Variants in EXT1 observed in about 807,000 individuals in gnomAD.
EXT1 encodes exostosin-1.
In EXT1, 20 loss-of-function variants were observed where a neutral mutation model predicts 82.5. The ratio of observed to expected loss-of-function variants is 0.24; its 90% CI spans 0.17 to 0.35. EXT1 has a LOEUF of 0.35. Ranked by LOEUF, EXT1 falls within the 10% of genes least tolerant of loss-of-function variation. EXT1 has a pLI of 1.00. For synonymous variants in EXT1, 348 were observed against 350.8 expected, an observed-to-expected ratio of 0.99 and a Z score of 0.09; for missense variants, 757 against 936.5, an observed-to-expected ratio of 0.81 and a Z score of 2.50.
chr8:117,868,681 C>T (rs1016402370), intron 1 of EXT1, among the ~76,000 whole-genome samples: 1 of 152,082 alleles, frequency 6.6e-6, no homozygotes, highest in African/African-American at 2.4e-5. Context: ...AGGTCCTGGG[C>T]TCAAGCAATC....
At chr8:117,904,249 G>C (rs1813502711) in intron 1 of EXT1, among the ~76,000 whole-genome samples, 1 of 152,128 alleles carries the variant, frequency 6.6e-6, no homozygotes, top group South Asian at 2.1e-4. Flanking sequence ...AAAAAAGAAA[G>C]GGAAATAAAA....
intron 1 of EXT1, among the ~76,000 whole-genome samples, chr8:117,857,501 G>A (rs1446092201): frequency 2.0e-5 from 3 of 150,924 alleles, no homozygotes; most frequent in East Asian, 2.0e-4. Flanking sequence ...CTAGGAGTTC[G>A]AGACCAGCTT....
chr8:118,090,776 C>G (rs1392358561), intron 1 of EXT1, among the ~76,000 whole-genome samples: 1 of 21,270 alleles, frequency 4.7e-5, no homozygotes, highest in African/African-American at 2.6e-4. Flanking sequence ...GAGATTCTGT[C>G]TCAAAAAAAA....
At chr8:117,830,193 C>A in intron 4 of EXT1, 37 bp downstream of exon 4, 1 of 1,613,254 alleles carries the variant, frequency 6.2e-7, no homozygotes, top group South Asian at 1.1e-5. Context: ...TATAAAGGAC[C>A]ATTATTCAAG....
At chr8:117,964,882 C>G (rs1041032594) in intron 1 of EXT1, among the ~76,000 whole-genome samples, 2 of 152,156 alleles carry the variant, frequency 1.3e-5, no homozygotes, top group African/African-American at 2.4e-5. Context: ...GGGTGATCTG[C>G]CCGCCTTGGC....
intron 1 of EXT1, among the ~76,000 whole-genome samples, chr8:117,929,074 C>A (rs1478912067): frequency 2.0e-5 from 3 of 152,130 alleles, no homozygotes; most frequent in Admixed American, 2.0e-4. Flanking sequence ...AATGAAGACA[C>A]ACATCTCCTA....
In EXT1 at chr8:117,858,817, G is replaced by A. The variant is rs1563582165; in HGVS notation, c.963-21616C>T. 6.8e-3 allele frequency among the ~76,000 whole-genome samples: 224 copies of A among 32,782 alleles called. 16 individuals are homozygous for A. The highest frequency in any genetic ancestry group is 0.026 in the African/African-American group (216 of 8,378). 21.5% of individuals were successfully genotyped at this position (32,782 alleles called of 152,430 possible). A position where few individuals can be genotyped will look rare whatever the true frequency, so the allele number is the denominator to read the frequency against. On this transcript the variant is annotated intron_variant, in intron 1 of 10. Transcript: ENST00000378204. ...AGGCAAGGCAAGGCAAGGCAGGAAG[G>A]AAGGAAGGAAGGAAGGAAGGAAGGA...
At chr8:118,039,482 C>T (rs1221255753) in intron 1 of EXT1, among the ~76,000 whole-genome samples, 1 of 147,426 alleles carries the variant, frequency 6.8e-6, no homozygotes, top group Non-Finnish European at 1.5e-5. Context: ...ATCGCTTGAA[C>T]CCGGGAGGCG....
At chr8:118,109,882 T>C (rs887316963) in intron 1 of EXT1, among the ~76,000 whole-genome samples, 1 of 152,112 alleles carries the variant, frequency 6.6e-6, no homozygotes, top group Non-Finnish European at 1.5e-5. Context: ...TGCTCCAGGC[T>C]TTTCAGTTTG....
At chr8:118,004,320 T>C (rs1287650302) in intron 1 of EXT1, among the ~76,000 whole-genome samples, 1 of 152,242 alleles carries the variant, frequency 6.6e-6, no homozygotes, top group East Asian at 1.9e-4. Context: ...TGCACGTGCA[T>C]GTGGGTATAT....
rs67974546 is a variant in EXT1, at chr8:117,997,245, C to CTATA, written c.962+112836_962+112839dup. Among the ~76,000 whole-genome samples the CTATA allele has an allele frequency of 2.1e-3, 281 of 136,126 alleles. 5 individuals carry two copies. The highest frequency in any genetic ancestry group is 6.0e-3 in the African/African-American group (224 of 37,520). 89.3% of individuals were successfully genotyped at this position (136,126 alleles called of 152,430 possible). A position where few individuals can be genotyped will look rare whatever the true frequency, so the allele number is the denominator to read the frequency against. ...TTCCCCGTATGGTATAGTTGTCATA[C>CTATA]TATATATATATATATATACACACTT... On this transcript the variant is annotated intron_variant, in intron 1 of 10. Coordinates refer to ENST00000378204, the MANE Select transcript of EXT1 (RefSeq NM_000127.3).
chr8:117,954,033 T>C (rs1008498201), intron 1 of EXT1, among the ~76,000 whole-genome samples: 2 of 152,258 alleles, frequency 1.3e-5, no homozygotes, highest in Non-Finnish European at 2.9e-5. Context: ...ACAATAATCT[T>C]ATTAAGTGCT....
At chr8:118,088,722 A>C (rs1465115758) in intron 1 of EXT1, among the ~76,000 whole-genome samples, 2 of 138,344 alleles carry the variant, frequency 1.4e-5, no homozygotes, top group South Asian at 2.3e-4. Flanking sequence ...TTTCTTGTTT[A>C]CTTTTGATCA....
chr8:117,906,842 C>T (rs1796826798), intron 1 of EXT1, among the ~76,000 whole-genome samples: 1 of 152,064 alleles, frequency 6.6e-6, no homozygotes, highest in Admixed American at 6.6e-5. Context: ...GAGCAGAAGG[C>T]AGAGGTCTTG....
rs1419329636 is a variant in EXT1, at chr8:117,862,284, T to A, written c.963-25083A>T. On this transcript the variant is annotated intron_variant, in intron 1 of 10. Transcript: ENST00000378204. ...AAGCGTCCTCACTGAACCAGCCAGG[T>A]GGGAAAGAATAGGCCCTGCTTCCTG... is the stretch of plus-strand genomic sequence containing the variant. Among the ~76,000 whole-genome samples, 3 of 145,482 alleles carry A rather than the reference T, an allele frequency of 2.1e-5. 1 individual carries two copies. The highest frequency in any genetic ancestry group is 1.4e-4 in the Admixed American group (2 of 14,322).
chr8:118,084,559 G>A (rs1157693160), intron 1 of EXT1, among the ~76,000 whole-genome samples: 1 of 152,058 alleles, frequency 6.6e-6, no homozygotes, highest in Non-Finnish European at 1.5e-5. Flanking sequence ...AGAGCATCAG[G>A]GTCACTTGTA....
intron 1 of EXT1, among the ~76,000 whole-genome samples, chr8:117,920,956 C>T (rs1193254227): frequency 6.6e-6 from 1 of 152,150 alleles, no homozygotes; most frequent in Non-Finnish European, 1.5e-5. Context: ...TCCCCTCGTC[C>T]CTCCCTAAAC....
chr8:117,863,414 T>TG (rs1318318804), intron 1 of EXT1, among the ~76,000 whole-genome samples: 28 of 111,294 alleles, frequency 2.5e-4, no homozygotes, highest in African/African-American at 6.8e-4. Flanking sequence ...AGTCTAGGTT[T>TG]TTTTTTTTTT....
At chr8:118,099,238 CA>C (rs1441124575) in intron 1 of EXT1, among the ~76,000 whole-genome samples, 1 of 152,086 alleles carries the variant, frequency 6.6e-6, no homozygotes, top group East Asian at 1.9e-4. Flanking sequence ...GGCATTGGGC[CA>C]GCTGTTCTTC....
Sources: allele counts gnomAD v4.1 joint callset (sites outside exome capture counted in the v4.1 genomes callset), GRCh38; gene constraint gnomAD v4.1.1; transcripts MANE v1.5; gene names NCBI Gene and HGNC (gene_info 2026-07-23, HGNC 2026-07-21).